Variants in TRPC5 observed in about 807,000 individuals in gnomAD.
TRPC5 encodes the protein short transient receptor potential channel 5.
TRPC5 carries 9 observed loss-of-function variants against 56.5 expected under a neutral mutation model. The ratio of observed to expected loss-of-function variants is 0.16; its 90% CI spans 0.10 to 0.28. TRPC5 has a LOEUF of 0.28. TRPC5 is among the 10% of genes least tolerant of loss of function. The pLI is 1.00. For synonymous variants in TRPC5, 282 were observed against 278.5 expected, an observed-to-expected ratio of 1.01 and a Z score of -0.13; for missense variants, 469 against 748.9, an observed-to-expected ratio of 0.63 and a Z score of 4.36.
intron 1 of TRPC5, among the ~76,000 whole-genome samples, chrX:112,081,446 A>G: frequency 1.8e-5 from 2 of 111,053 alleles, no homozygotes; most frequent in Middle Eastern, 4.6e-3. Context: ...CTGGCTCTCT[A>G]TTTCTGAAGG....
chrX:111,912,845 A>G (rs942777997), intron 2 of TRPC5, 33 bp from the exon 3 acceptor site: 2 of 1,168,739 alleles, frequency 1.7e-6, no homozygotes, highest in Non-Finnish European at 2.3e-6. Flanking sequence ...ATAGAAGGGC[A>G]GGATTAAAGT....
chrX:112,001,433 A>G (rs1928692274), intron 1 of TRPC5, among the ~76,000 whole-genome samples: 1 of 112,131 alleles, frequency 8.9e-6, no homozygotes, highest in Non-Finnish European at 1.9e-5. Flanking sequence ...GAACACAGGA[A>G]GTGCTCAAAA....
At chrX:111,991,533 C>G (rs1928354226) in intron 1 of TRPC5, among the ~76,000 whole-genome samples, 1 of 111,844 alleles carries the variant, frequency 8.9e-6, no homozygotes, top group Admixed American at 9.5e-5. Flanking sequence ...TTTTTTCTCC[C>G]ACTTAGAGTG....
At chrX:111,978,498 T>G (rs979960823) in intron 1 of TRPC5, among the ~76,000 whole-genome samples, 11 of 111,274 alleles carry the variant, frequency 9.9e-5, no homozygotes, top group Non-Finnish European at 2.1e-4. Context: ...CTTTTAAAAG[T>G]AAGCATACAC....
chrX:111,912,519 G>A lies in TRPC5; in HGVS notation c.672C>T (p.Gly224=). Residue 224 remains glycine (G), a synonymous_variant, in exon 3 of 11, where the codon GGC becomes GGT. Transcript: ENST00000262839. ...EDPILTAFRL[G]WELKELSKVE... ...CCTTGCTGAGCTCCTTGAGCTCCCAGCCCAGACGGAAGGCAGTTAGGATGG... is the reference window on the plus strand; with the variant it reads ...CCTTGCTGAGCTCCTTGAGCTCCCAACCCAGACGGAAGGCAGTTAGGATGG... 5 of 1,211,577 alleles carry A rather than the reference G, an allele frequency of 4.1e-6. No homozygotes were observed. The highest frequency in any genetic ancestry group is 5.6e-6 in the Non-Finnish European group (5 of 895,499).
chrX:111,952,657 T>C (rs1927126045), intron 1 of TRPC5, among the ~76,000 whole-genome samples: 1 of 111,153 alleles, frequency 9.0e-6, no homozygotes, highest in Non-Finnish European at 1.9e-5. Context: ...ACTTACCAGT[T>C]CTGTGGCCTT....
At chrX:111,802,252 C>T in intron 7 of TRPC5, among the ~76,000 whole-genome samples, 1 of 111,512 alleles carries the variant, frequency 9.0e-6, no homozygotes, top group Non-Finnish European at 1.9e-5. Flanking sequence ...CACTACCACA[C>T]TGTTTTGATT....
intron 1 of TRPC5, among the ~76,000 whole-genome samples, chrX:111,980,590 GT>G (rs1027587858): frequency 1.8e-5 from 2 of 110,432 alleles, no homozygotes; most frequent in Admixed American, 9.8e-5. Flanking sequence ...ATACATCATT[GT>G]TTTTTCATTT....
chrX:112,025,678 T>G (rs1929394799), intron 1 of TRPC5, among the ~76,000 whole-genome samples: 1 of 111,928 alleles, frequency 8.9e-6, no homozygotes, highest in Admixed American at 9.5e-5. Context: ...GTAATCATGA[T>G]AAAACCTAAT....
Position 111,782,272 on chromosome X carries a change from C to T in TRPC5, c.1897-134G>A, listed in dbSNP as rs1653991771. ...CTATATAAATTCAAATTATACATAC[C>T]CTGTCACCCAGTAACCCTACTCTTA... On this transcript the variant is annotated intron_variant, in intron 7 of 10. Coordinates refer to ENST00000262839, the MANE Select transcript of TRPC5 (RefSeq NM_012471.3). 1.3e-5 allele frequency: 6 copies of T among 470,513 alleles called. No homozygotes were observed. In the South Asian group the frequency reaches 1.7e-4, roughly 14 times the overall value. 38.8% of individuals were successfully genotyped at this position (470,513 alleles called of 1,213,427 possible).
chrX:112,002,852 C>T (rs1928732477), intron 1 of TRPC5, among the ~76,000 whole-genome samples: 1 of 112,224 alleles, frequency 8.9e-6, no homozygotes, highest in Non-Finnish European at 1.9e-5. Context: ...AAATTGGAAA[C>T]ATAAACATTG....
chrX:111,971,671 GT>G (rs1182700058), intron 1 of TRPC5, among the ~76,000 whole-genome samples: 5 of 111,433 alleles, frequency 4.5e-5, no homozygotes, highest in Non-Finnish European at 9.4e-5. Context: ...GTTATAAGAG[GT>G]TTTCTTCCCT....
rs186252552 is a variant in TRPC5 at position 112,000,160 on chromosome X, C to A, written c.-21-47719G>T. 2.7e-5 allele frequency among the ~76,000 whole-genome samples: 3 copies of A among 111,332 alleles called. No individual in the cohort carries two copies. In the East Asian group the frequency reaches 8.5e-4, roughly 32 times the overall value. On this transcript the variant is annotated intron_variant, in intron 1 of 10. Coordinates refer to ENST00000262839, the MANE Select transcript of TRPC5 (RefSeq NM_012471.3). ...TAATCTTGTCTTGGATGAAAGCATA[C>A]CAGATTTAGAATCACCAGCAGATTT...
intron 1 of TRPC5, among the ~76,000 whole-genome samples, chrX:112,016,437 GTCTT>G (rs969319445): frequency 2.3e-4 from 25 of 110,610 alleles, no homozygotes; most frequent in African/African-American, 7.9e-4. Context: ...TAGCAATTCA[GTCTT>G]TCTTACCTGT....
At chrX:111,788,533 TATTCAACATAGTGTTGG>T (rs1388883003) in intron 7 of TRPC5, among the ~76,000 whole-genome samples, 3 of 111,881 alleles carry the variant, frequency 2.7e-5, no homozygotes, top group African/African-American at 9.8e-5. Context: ...TCACCACTCG[TATTCAACATAGTGTTGG>T]AAGTTCTGGC....
In TRPC5 at chrX:111,768,115, CTG is replaced by C. The variant is rs1945823868; in HGVS notation, c.*8196_*8197del. Among the ~76,000 whole-genome samples, 1 of 112,237 alleles carries C rather than the reference CTG, an allele frequency of 8.9e-6. No individual in the cohort carries two copies. The highest frequency in any genetic ancestry group is 1.9e-5 in the Non-Finnish European group (1 of 53,169). On this transcript the variant is annotated 3_prime_UTR_variant, in exon 11 of 11. Transcript: ENST00000262839. ...TCTTTTTAATACATTAAGATTGACACTGTGCACTTACAGAAAGTGTTTAAATA... is the reference window on the plus strand; with the variant it reads ...TCTTTTTAATACATTAAGATTGACACTGCACTTACAGAAAGTGTTTAAATA...
At chrX:111,778,444 C>CTAGA (rs1266396734) in intron 10 of TRPC5, among the ~76,000 whole-genome samples, 4 of 111,119 alleles carry the variant, frequency 3.6e-5, no homozygotes, top group South Asian at 3.8e-4. Flanking sequence ...TCTTTACTGT[C>CTAGA]TAGATACCAG....
rs1930993523 is a variant in TRPC5, at chrX:112,082,393, GAGAGAGAGAGAAAAAA to G, written c.-552_-537del. The G allele has an allele frequency of 9.1e-6, 1 of 110,042 alleles. No individual in the cohort carries two copies. The highest frequency in any genetic ancestry group is 9.6e-5 in the Admixed American group (1 of 10,385). 9.1% of individuals were successfully genotyped at this position (110,042 alleles called of 1,213,427 possible). A position where few individuals can be genotyped will look rare whatever the true frequency, so the allele number is the denominator to read the frequency against. On this transcript the variant is annotated 5_prime_UTR_variant, in exon 1 of 11. The change abolishes the stop of an existing upstream ORF in the 5' untranslated region. Transcript: ENST00000262839. ...GGAAGGAAGGGATGGAGAGAGAGGGGAGAGAGAGAGAAAAAAAGAGAGAGAGCCGCATTCACACTCT... is the reference window on the plus strand; with the variant it reads ...GGAAGGAAGGGATGGAGAGAGAGGGGAGAGAGAGAGCCGCATTCACACTCT...
In TRPC5 at chrX:111,768,400, T is replaced by C. The variant is rs771547940; in HGVS notation, c.*7913A>G. Among the ~76,000 whole-genome samples the C allele has an allele frequency of 8.9e-6, 1 of 112,260 alleles. No homozygotes were observed. The highest frequency in any genetic ancestry group is 9.4e-5 in the Admixed American group (1 of 10,621). ...CAAATGTTAGTTTGTAGCTGCAGAC[T>C]GCATTCATTGTTTTGAGTAGAAAGA... On this transcript the variant is annotated 3_prime_UTR_variant, in exon 11 of 11. Coordinates refer to ENST00000262839, the MANE Select transcript of TRPC5 (RefSeq NM_012471.3).
Sources: allele counts gnomAD v4.1 joint callset (sites outside exome capture counted in the v4.1 genomes callset), GRCh38; gene constraint gnomAD v4.1.1; transcripts MANE v1.5; gene names NCBI Gene and HGNC (gene_info 2026-07-23, HGNC 2026-07-21).